Variants in RYR2 observed in about 807,000 individuals in gnomAD.
RYR2 encodes the protein cardiac muscle ryanodine receptor-calcium release channel.
A neutral mutation model predicts 601.1 loss-of-function variants in RYR2; 227 were observed. The observed-to-expected ratio is 0.38, with a 90% CI of 0.34 to 0.42. The LOEUF (loss-of-function observed/expected upper bound fraction) is 0.42, where lower values mean the gene tolerates loss of function less well. Among genes scored for constraint, RYR2 ranks in the 10% least tolerant of loss-of-function variants. RYR2 has a pLI of 1.00. For synonymous variants in RYR2, 2,223 were observed against 2,175.1 expected, an observed-to-expected ratio of 1.02 and a Z score of -0.61; for missense variants, 4,646 against 6,156.5, an observed-to-expected ratio of 0.75 and a Z score of 8.21.
chr1:237,461,897 A>G (rs1842079), intron 16 of RYR2, among the ~76,000 whole-genome samples: 124,241 of 151,856 alleles, frequency 0.82, 51,107 homozygotes, highest in East Asian at 0.99. Context: ...AGTGAGCATC[A>G]ATTTCATGAC....
At chr1:237,750,889 A>G (rs1476875797) in intron 80 of RYR2, among the ~76,000 whole-genome samples, 1 of 152,242 alleles carries the variant, frequency 6.6e-6, no homozygotes, top group African/African-American at 2.4e-5. Context: ...CTAGACAGAT[A>G]ATTCTTGGCA....
At chr1:237,591,410 C>G (rs373692859) in intron 31 of RYR2, among the ~76,000 whole-genome samples, 1 of 152,124 alleles carries the variant, frequency 6.6e-6, no homozygotes, top group African/African-American at 2.4e-5. Flanking sequence ...ATAAAGGCGG[C>G]AAGTTATTTT....
At chr1:237,695,130 T>G (rs1558235042) in intron 63 of RYR2, among the ~76,000 whole-genome samples, 1 of 152,190 alleles carries the variant, frequency 6.6e-6, no homozygotes, top group East Asian at 1.9e-4. Flanking sequence ...TATAGAAACT[T>G]TATTTAAAAA....
chr1:237,457,829 G>A (rs752363667), intron 16 of RYR2, among the ~76,000 whole-genome samples: 1 of 151,988 alleles, frequency 6.6e-6, no homozygotes, highest in African/African-American at 2.4e-5. Flanking sequence ...CCTAACCCTC[G>A]CCTCCAAAAT....
At chr1:237,417,605 T>TA (rs1263902973) in intron 11 of RYR2, among the ~76,000 whole-genome samples, 2 of 152,184 alleles carry the variant, frequency 1.3e-5, no homozygotes, top group African/African-American at 4.8e-5. Flanking sequence ...TATATTTACT[T>TA]AAAAATCACT....
At chr1:237,464,665 A>G (rs76735664) in intron 16 of RYR2, among the ~76,000 whole-genome samples, 4,871 of 152,286 alleles carry the variant, frequency 0.032, 105 homozygotes, top group Non-Finnish European at 0.053. Context: ...AGAAATTTCT[A>G]AAAAACACAG....
At chr1:237,291,231 G>T (rs140033309) in intron 2 of RYR2, among the ~76,000 whole-genome samples, 288 of 152,096 alleles carry the variant, frequency 1.9e-3, no homozygotes, top group African/African-American at 6.6e-3. Context: ...GCAAAAACAA[G>T]CAGAAGATCA....
chr1:237,567,048 G>A (rs897780707), intron 28 of RYR2, among the ~76,000 whole-genome samples: 2 of 152,206 alleles, frequency 1.3e-5, no homozygotes, highest in Non-Finnish European at 2.9e-5. Context: ...ATATGTAGAG[G>A]AAAAATGCAT....
chr1:237,153,279 A>G (rs1360937610), intron 1 of RYR2, among the ~76,000 whole-genome samples: 34 of 152,184 alleles, frequency 2.2e-4, no homozygotes, highest in Admixed American at 2.2e-3. Context: ...AAAGGTTTCT[A>G]GTGTTGGCAG....
At chr1:237,727,245 C>G (rs752714970) in intron 76 of RYR2, 46 bp downstream of exon 76, 9 of 920,724 alleles carry the variant, frequency 9.8e-6, no homozygotes, top group African/African-American at 1.7e-5. Flanking sequence ...TTATTTTTTC[C>G]TAGTAAGTGA....
chr1:237,612,407 T>C (rs1192054719), intron 36 of RYR2, among the ~76,000 whole-genome samples: 1 of 152,290 alleles, frequency 6.6e-6, no homozygotes, highest in East Asian at 1.9e-4. Context: ...GTATTTTAAG[T>C]AGGTAAATTG....
intron 29 of RYR2, among the ~76,000 whole-genome samples, chr1:237,583,921 T>C (rs1674214392): frequency 6.6e-6 from 1 of 152,206 alleles, no homozygotes; most frequent in African/African-American, 2.4e-5. Flanking sequence ...ATCTGTCTTT[T>C]GTTGGAGGAA....
intron 66 of RYR2, among the ~76,000 whole-genome samples, chr1:237,704,998 A>G (rs1451894166): frequency 2.0e-5 from 3 of 152,142 alleles, no homozygotes; most frequent in African/African-American, 7.2e-5. Flanking sequence ...TTGACAGATA[A>G]TTTTTTGCTA....
intron 16 of RYR2, among the ~76,000 whole-genome samples, chr1:237,465,723 G>A (rs75735124): frequency 0.15 from 22,793 of 151,370 alleles, 1,953 homozygotes; most frequent in Admixed American, 0.23. Flanking sequence ...TACGCTATAC[G>A]GGATGGCCTA....
chr1:237,760,323 T>A (rs1693316314), intron 83 of RYR2, among the ~76,000 whole-genome samples: 1 of 135,160 alleles, frequency 7.4e-6, no homozygotes, highest in East Asian at 2.4e-4. Context: ...GTGCCACTAC[T>A]GCAGCCTGAG....
chr1:237,316,638 T>A (rs543056603), intron 2 of RYR2, among the ~76,000 whole-genome samples: 2 of 152,352 alleles, frequency 1.3e-5, no homozygotes, highest in Non-Finnish European at 2.9e-5. Flanking sequence ...AAACTATGGA[T>A]CAATCTCCAG....
chr1:237,356,314 A>AC (rs1319886676), intron 4 of RYR2, among the ~76,000 whole-genome samples: 1 of 151,942 alleles, frequency 6.6e-6, no homozygotes, highest in Non-Finnish European at 1.5e-5. Flanking sequence ...GCAAAAAAAA[A>AC]CAAAAAACAA....
At chr1:237,243,110 C>T (rs867043326) in intron 1 of RYR2, among the ~76,000 whole-genome samples, 12 of 152,120 alleles carry the variant, frequency 7.9e-5, no homozygotes, top group African/African-American at 2.6e-4. Flanking sequence ...CACACCACCA[C>T]ACCATCAACA....
At chr1:237,623,698 T>C in intron 38 of RYR2, 67 bp from the exon 39 acceptor site, 2 of 1,039,860 alleles carry the variant, frequency 1.9e-6, no homozygotes, top group Admixed American at 3.6e-5. Context: ...GGCCCTGCTG[T>C]GCCATTCTTG....
Sources: allele counts gnomAD v4.1 joint callset (sites outside exome capture counted in the v4.1 genomes callset), GRCh38; gene constraint gnomAD v4.1.1; transcripts MANE v1.5; gene names NCBI Gene and HGNC (gene_info 2026-07-23, HGNC 2026-07-21).